BICC1: variants seen among roughly 807,000 people sequenced by gnomAD.
The protein encoded by BICC1 is BicC family RNA binding protein 1, also known as protein bicaudal C homolog 1.
In BICC1, 43 loss-of-function variants were observed where a neutral mutation model predicts 111.0. That is an observed-to-expected ratio of 0.39 (90% CI 0.30 to 0.50). The LOEUF (loss-of-function observed/expected upper bound fraction) is 0.50, where lower values mean the gene tolerates loss of function less well. Ranked by LOEUF, BICC1 falls within the 20% of genes least tolerant of loss-of-function variation. The probability of loss-of-function intolerance (pLI) is 0.88; values close to 1 mark genes in which losing one functional copy is unlikely to be tolerated. For missense variants in BICC1, 1,091 were observed against 1,203.2 expected, an observed-to-expected ratio of 0.91 and a Z score of 1.38; for synonymous variants, 467 against 434.4, an observed-to-expected ratio of 1.07 and a Z score of -0.93.
Position 58,803,152 on chromosome 10 carries a change from G to A in BICC1, c.2091G>A (p.Gly697=), listed in dbSNP as rs1843604116. Residue 697 remains glycine (G), a synonymous_variant, in exon 15 of 21, where the codon GGG becomes GGA. Coordinates refer to ENST00000373886, the MANE Select transcript of BICC1 (RefSeq NM_001080512.3). ...ESPLADKKAP[G]SERAAERAAA... ...CTTTGGCTGACAAGAAGGCTCCAGG[G>A]AGTGAGCGCGCTGCAGAGAGGGCAG... is the stretch of plus-strand genomic sequence containing the variant. The A allele has an allele frequency of 6.2e-7, 1 of 1,611,874 alleles. No homozygotes were observed. Among genetic ancestry groups the A allele is most frequent in the Non-Finnish European group, 8.5e-7 (1 of 1,178,948 alleles).
At position 58,813,872 on chromosome 10, in the gene BICC1, T is replaced by C. The variant is rs754107988; in HGVS notation, c.2419T>C (p.Leu807=). ...TTCACGGTCCAACAGTCGTGAGCACTTGGGAGGTGGAAGCGAATCTGATAA... is the reference window on the plus strand; with the variant it reads ...TTCACGGTCCAACAGTCGTGAGCACCTGGGAGGTGGAAGCGAATCTGATAA... ...SLSRSNSREH[L]GGGSESDNWR... Residue 807 remains leucine (L), a synonymous_variant, in exon 18 of 21, where the codon TTG becomes CTG. Coordinates refer to ENST00000373886, the MANE Select transcript of BICC1 (RefSeq NM_001080512.3). The C allele has an allele frequency of 6.2e-6, 10 of 1,613,934 alleles. No homozygotes were observed. The highest frequency in any genetic ancestry group is 8.5e-6 in the Non-Finnish European group (10 of 1,179,888).
chr10:58,764,630 T>TTC (rs1842408547), intron 3 of BICC1, among the ~76,000 whole-genome samples: 1 of 34,578 alleles, frequency 2.9e-5, no homozygotes, highest in African/African-American at 1.2e-4. Context: ...AATTTCCTTC[T>TTC]TTTTTTTTTT....
chr10:58,582,507 C>T (rs1844311316), intron 1 of BICC1, among the ~76,000 whole-genome samples: 2 of 152,122 alleles, frequency 1.3e-5, no homozygotes, highest in Admixed American at 6.6e-5. Context: ...TTCTTATTAG[C>T]TTCAGTTACT....
intron 3 of BICC1, among the ~76,000 whole-genome samples, chr10:58,765,890 G>A (rs566314601): frequency 6.6e-6 from 1 of 152,288 alleles, no homozygotes; most frequent in South Asian, 2.1e-4. Flanking sequence ...AAAAGCAGGT[G>A]TTACAGGGAG....
chr10:58,774,212 G>A (rs912397252), intron 3 of BICC1, among the ~76,000 whole-genome samples: 2 of 152,140 alleles, frequency 1.3e-5, no homozygotes, highest in African/African-American at 4.8e-5. Context: ...AAAAGTAACA[G>A]CACAACAAAT....
rs71006206 is a variant in BICC1, at chr10:58,794,165, TTGTGTGTGTGTG to T, written c.1179+584_1179+595del. Among the ~76,000 whole-genome samples the T allele has an allele frequency of 2.3e-4, 32 of 138,296 alleles. No homozygotes were observed. In the South Asian group the frequency reaches 2.7e-3, roughly 12 times the overall value. 90.7% of individuals were successfully genotyped at this position (138,296 alleles called of 152,430 possible). ...GAGTTGATAAGGCTACTTACATGTT[TTGTGTGTGTGTG>T]TGTGTGTGTGTGTGTGTGTGTGTGT... is the stretch of plus-strand genomic sequence containing the variant. On this transcript the variant is annotated intron_variant, in intron 9 of 20. Transcript: ENST00000373886.
At chr10:58,784,122 T>C (rs1228852602) in intron 3 of BICC1, among the ~76,000 whole-genome samples, 1 of 152,206 alleles carries the variant, frequency 6.6e-6, no homozygotes, top group Non-Finnish European at 1.5e-5. Flanking sequence ...ACTCTTCTTT[T>C]TCTTTTTTCA....
At chr10:58,782,287 A>T (rs1842903293) in intron 3 of BICC1, among the ~76,000 whole-genome samples, 1 of 152,210 alleles carries the variant, frequency 6.6e-6, no homozygotes, top group South Asian at 2.1e-4. Context: ...CTGTAAAGTC[A>T]CACATTTGTA....
chr10:58,647,088 C>T (rs1329397367), intron 2 of BICC1, among the ~76,000 whole-genome samples: 2 of 152,094 alleles, frequency 1.3e-5, no homozygotes, highest in East Asian at 3.9e-4. Context: ...GTAGATATAC[C>T]TGCATATACC....
intron 10 of BICC1, among the ~76,000 whole-genome samples, chr10:58,797,693 A>G (rs1030655855): frequency 1.4e-4 from 22 of 152,198 alleles, no homozygotes; most frequent in African/African-American, 5.3e-4. Flanking sequence ...TATATACTTT[A>G]TGCTTTATAT....
intron 3 of BICC1, among the ~76,000 whole-genome samples, chr10:58,721,043 T>G (rs1840923398): frequency 6.6e-6 from 1 of 152,244 alleles, no homozygotes; most frequent in Non-Finnish European, 1.5e-5. Context: ...TTGTCAGCCC[T>G]GTGGAAATTT....
intron 1 of BICC1, among the ~76,000 whole-genome samples, chr10:58,564,215 A>G (rs2131958664): frequency 6.6e-6 from 1 of 152,276 alleles, no homozygotes; most frequent in African/African-American, 2.4e-5. Flanking sequence ...TTTTGAAGGA[A>G]AGTCACAGAA....
At chr10:58,638,006 G>A (rs1838002337) in intron 2 of BICC1, among the ~76,000 whole-genome samples, 1 of 152,174 alleles carries the variant, frequency 6.6e-6, no homozygotes, top group Non-Finnish European at 1.5e-5. Context: ...AATCTTGGAT[G>A]TAGGATGTAG....
At chr10:58,637,755 T>C (rs1837994563) in intron 2 of BICC1, among the ~76,000 whole-genome samples, 2 of 152,244 alleles carry the variant, frequency 1.3e-5, no homozygotes, top group Admixed American at 6.5e-5. Context: ...GATAACATAG[T>C]AGATTCTGTC....
At chr10:58,687,733 G>T (rs1008378694) in intron 2 of BICC1, among the ~76,000 whole-genome samples, 2 of 152,152 alleles carry the variant, frequency 1.3e-5, no homozygotes, top group African/African-American at 4.8e-5. Flanking sequence ...GCAGTATTAG[G>T]GTGGGAGTGT....
chr10:58,607,229 T>C (rs1046496664), intron 1 of BICC1, among the ~76,000 whole-genome samples: 2 of 151,306 alleles, frequency 1.3e-5, no homozygotes, highest in Non-Finnish European at 2.9e-5. Flanking sequence ...GGCAGGACAA[T>C]CCCTTGAACC....
At chr10:58,717,799 G>A (rs1345525652) in intron 3 of BICC1, among the ~76,000 whole-genome samples, 1 of 151,916 alleles carries the variant, frequency 6.6e-6, no homozygotes, top group Non-Finnish European at 1.5e-5. Context: ...ATATTTTTTA[G>A]GATTGTCACC....
chr10:58,783,266 G>A (rs1174195962), intron 3 of BICC1, among the ~76,000 whole-genome samples: 2 of 152,276 alleles, frequency 1.3e-5, no homozygotes, highest in South Asian at 4.1e-4. Context: ...TCCCCAGGAG[G>A]CCAGAGGCAT....
At chr10:58,715,680 G>A in intron 3 of BICC1, 1 of 1,596,216 alleles carries the variant, frequency 6.3e-7, no homozygotes, top group Non-Finnish European at 8.6e-7. Context: ...TACCTGGGAA[G>A]AAGTAAAAGA....
Sources: gnomAD v4.1 joint callset for allele counts (sites outside exome capture counted in the v4.1 genomes callset) on GRCh38, gnomAD v4.1.1 for gene constraint, MANE v1.5 for transcripts, NCBI Gene and HGNC (gene_info 2026-07-23, HGNC 2026-07-21) for gene names.